The following CC2D2A variants were observed in gnomAD, a reference collection of about 807,000 sequenced individuals.
CC2D2A encodes coiled-coil and C2 domain-containing protein 2A.
Under a neutral mutation model 212.9 loss-of-function variants are expected in CC2D2A, and 155 were observed. That is an observed-to-expected ratio of 0.73 (90% confidence interval 0.64 to 0.83). The LOEUF (loss-of-function observed/expected upper bound fraction) is 0.83. Ranked by LOEUF, CC2D2A falls within the 40% of genes least tolerant of loss-of-function variation. The probability of loss-of-function intolerance (pLI) is 0.00; values close to 1 mark genes in which losing one functional copy is unlikely to be tolerated. For missense variants in CC2D2A, 1,856 were observed against 1,956.2 expected, an observed-to-expected ratio of 0.95 and a Z score of 0.97; for synonymous variants, 667 against 686.5, an observed-to-expected ratio of 0.97 and a Z score of 0.44.
chr4:15,560,709 T>A (rs1719544224), intron 23 of CC2D2A, 87 bp downstream of exon 23: 3 of 636,990 alleles, frequency 4.7e-6, no homozygotes, highest in South Asian at 4.2e-5. Context: ...ATAAGATTTT[T>A]AAAAATCATC....
chr4:15,596,288 C>A, intron 34 of CC2D2A, 81 bp downstream of exon 34: 1 of 1,293,828 alleles, frequency 7.7e-7, no homozygotes. Flanking sequence ...ATTTTTTACC[C>A]CTGGGTAGTC....
At position 15,527,533 on chromosome 4, in the gene CC2D2A, G is replaced by A. The variant is rs1417156333; in HGVS notation, c.1236G>A (p.Gly412=). 1.9e-6 allele frequency: 3 copies of A among 1,613,488 alleles called. No individual in the cohort carries two copies. Residue 412 remains glycine (G), a synonymous_variant, in exon 12 of 37, where the codon GGG becomes GGA. Coordinates refer to ENST00000424120, the MANE Select transcript of CC2D2A (RefSeq NM_001378615.1). ...GNFQLDIDIS[G]LIFTHHPCFS... is the part of the protein sequence containing the mutation. ...TCCAACTGGACATTGATATTTCAGG[G>A]TTAATCTTCACTCATCATCCCTGTT...
chr4:15,556,757 C>T (rs1248867456), intron 20 of CC2D2A, among the ~76,000 whole-genome samples: 4 of 152,326 alleles, frequency 2.6e-5, no homozygotes, highest in East Asian at 1.9e-4. Context: ...CTTCTTGAGA[C>T]AATGCACAGG....
Position 15,553,235 on chromosome 4 carries a change from G to C in CC2D2A, c.2416G>C (p.Ala806Pro). The C allele has an allele frequency of 6.2e-7, 1 of 1,613,062 alleles. No individual in the cohort carries two copies. The highest frequency in any genetic ancestry group is 8.5e-7 in the Non-Finnish European group (1 of 1,179,536). Residue 806 changes from alanine to proline, a missense_variant, in exon 19 of 37, where the codon GCA becomes CCA. Ala to Pro is a conservative substitution (Grantham distance 27, BLOSUM62 -1). Transcript: ENST00000424120. ...MTSGKVSHSV[A>P]WAIGENGIPL... The stretch of plus-strand genomic sequence containing the variant: ...CTCAGGGAAAGTGTCTCATAGTGTG[G>C]CATGGGCCATTGGAGAAAACGGGAT...
At chr4:15,594,442 T>C (rs1320935040) in intron 33 of CC2D2A, among the ~76,000 whole-genome samples, 1 of 152,024 alleles carries the variant, frequency 6.6e-6, no homozygotes, top group East Asian at 1.9e-4. Flanking sequence ...CTGCTGCAAG[T>C]TGTGGTAGCA....
rs1313708855 is a variant in CC2D2A, at chr4:15,587,832, T to TG, written c.4084dup (p.Ala1362GlyfsTer4). The TG allele has an allele frequency of 1.9e-6, 3 of 1,610,122 alleles. No homozygotes were observed. The highest frequency in any genetic ancestry group is 2.5e-6 in the Non-Finnish European group (3 of 1,176,548). On this transcript the variant is annotated frameshift_variant, in exon 32 of 37. Coordinates refer to ENST00000424120, the MANE Select transcript of CC2D2A (RefSeq NM_001378615.1). LOFTEE classifies it high-confidence loss of function. ...TTTTGTCAGCAATTTCTTGATCTCC[T>TG]GGCAGGGGATGAAGAAGAACATGCA...
chr4:15,563,207 A>AT, intron 23 of CC2D2A, 148 bp from the exon 24 acceptor site: 1 of 711,146 alleles, frequency 1.4e-6, no homozygotes. Flanking sequence ...ATTTGGGAGA[A>AT]TTTCTAGACT....
At chr4:15,591,419 A>T (rs1056077880) in intron 33 of CC2D2A, among the ~76,000 whole-genome samples, 7 of 152,038 alleles carry the variant, frequency 4.6e-5, no homozygotes. Flanking sequence ...GGGTTTCTCC[A>T]TGTTGGTCAG....
Position 15,516,749 on chromosome 4 carries a change from A to G in CC2D2A, c.1142A>G (p.Tyr381Cys). 1 of 1,611,508 alleles carries G rather than the reference A, an allele frequency of 6.2e-7. No individual in the cohort carries two copies. The highest frequency in any genetic ancestry group is 8.5e-7 in the Non-Finnish European group (1 of 1,178,636). ...ATTAAGGCAGAGCTTGAAACACTGT[A>G]TAAAAAGGTAGACACTCCCCTCTCT... Reference protein sequence around the residue: ...QSIKAELETLYKKAVKYVHSS... With the variant: ...QSIKAELETLCKKAVKYVHSS... The change falls in exon 11 of 37, where the codon TAT becomes TGT. Residue 381 changes from tyrosine to cysteine, a missense_variant. Coordinates refer to ENST00000424120, the MANE Select transcript of CC2D2A (RefSeq NM_001378615.1).
chr4:15,601,297 T>C lies in CC2D2A; in HGVS notation c.4735T>C (p.Tyr1579His). 6.2e-7 allele frequency: 1 copy of C among 1,612,622 alleles called. No individual in the cohort carries two copies. Among genetic ancestry groups the C allele is most frequent in the Non-Finnish European group, 8.5e-7 (1 of 1,179,206 alleles). The change falls in exon 37 of 37, where the codon TAT becomes CAT. Residue 1579 changes from tyrosine to histidine, a missense_variant. This residue lies in a region of CC2D2A where 285 missense variants were observed against 278.4 expected (regional missense o/e 1.02). Transcript: ENST00000424120. ...AGTGAAGCCTTTAATTGACGCTGTG[T>C]ATAGTACTGGAGTACATAATATTGA... ...SEVKPLIDAV[Y>H]STGVHNIDVP...
At chr4:15,495,385 A>G (rs907458287) in intron 4 of CC2D2A, among the ~76,000 whole-genome samples, 2 of 152,210 alleles carry the variant, frequency 1.3e-5, no homozygotes, top group African/African-American at 4.8e-5. Flanking sequence ...CTAGGATTAC[A>G]GGCATGAGCC....
At chr4:15,525,537 C>T (rs943312638) in intron 11 of CC2D2A, among the ~76,000 whole-genome samples, 7 of 152,048 alleles carry the variant, frequency 4.6e-5, no homozygotes, top group Non-Finnish European at 8.8e-5. Flanking sequence ...AAAAAAATGG[C>T]CCTCCATTGT....
At chr4:15,516,563 T>C (rs1419488122) in intron 10 of CC2D2A, 62 bp from the exon 11 acceptor site, 13 of 1,528,484 alleles carry the variant, frequency 8.5e-6, no homozygotes, top group Non-Finnish European at 1.2e-5. Context: ...GTTGTTTGTG[T>C]TGTGAACCAT....
At position 15,525,741 on chromosome 4, in the gene CC2D2A, G is replaced by A. The variant is rs185619010; in HGVS notation, c.1150-1706G>A. On this transcript the variant is annotated intron_variant, in intron 11 of 36. Coordinates refer to ENST00000424120, the MANE Select transcript of CC2D2A (RefSeq NM_001378615.1). The stretch of plus-strand genomic sequence containing the variant: ...TAATAGTTCTCGATATATAAGAAAG[G>A]GAACAGATACAACAAAGAGAAAAGG... Among the ~76,000 whole-genome samples, 18 of 152,276 alleles carry A rather than the reference G, an allele frequency of 1.2e-4. No individual in the cohort carries two copies. In the East Asian group the frequency reaches 3.3e-3, roughly 28 times the overall value.
intron 1 of CC2D2A, among the ~76,000 whole-genome samples, 162 bp from the exon 2 acceptor site, chr4:15,475,753 C>T (rs934236796): frequency 6.6e-6 from 1 of 152,156 alleles, no homozygotes. Flanking sequence ...TGGCACTTAT[C>T]TCCACCAATC....
At chr4:15,528,909 G>GAA (rs1457636647) in intron 13 of CC2D2A, among the ~76,000 whole-genome samples, 183 bp downstream of exon 13, 2 of 152,212 alleles carry the variant, frequency 1.3e-5, no homozygotes, top group African/African-American at 4.8e-5. Flanking sequence ...GAATGAGGAT[G>GAA]TAAGGAAATG....
chr4:15,506,520 G>T (rs1037170861), intron 6 of CC2D2A, among the ~76,000 whole-genome samples: 1 of 152,066 alleles, frequency 6.6e-6, no homozygotes, highest in Non-Finnish European at 1.5e-5. Context: ...CATCTTCACA[G>T]ATCTCTAAAG....
chr4:15,563,423 GGAA>G lies in CC2D2A; in HGVS notation c.3088_3090del (p.Lys1030del). On this transcript the variant is annotated inframe_deletion, in exon 24 of 37. Transcript: ENST00000424120. ...CCACTGCGGCCAAGGAGAAAAGGTC[GGAA>G]GAAGGTGACAGCCCAAAACCTGTCT... 1.2e-6 allele frequency: 2 copies of G among 1,609,972 alleles called. No homozygotes were observed. Among genetic ancestry groups the G allele is most frequent in the Non-Finnish European group, 1.7e-6 (2 of 1,178,116 alleles).
intron 33 of CC2D2A, among the ~76,000 whole-genome samples, chr4:15,591,175 C>A (rs1421019728): frequency 1.3e-5 from 2 of 151,724 alleles, no homozygotes; most frequent in African/African-American, 4.8e-5. Flanking sequence ...TTTTTTCTTC[C>A]CATCCTCCTG....
Sources: allele counts gnomAD v4.1 joint callset (sites outside exome capture counted in the v4.1 genomes callset), GRCh38; gene constraint gnomAD v4.1.1; regional missense constraint gnomAD v4.1.1; transcripts MANE v1.5; gene names NCBI Gene and HGNC (gene_info 2026-07-23, HGNC 2026-07-21).